Variants in FAM135B observed in about 807,000 individuals in gnomAD.
The protein encoded by FAM135B is family with sequence similarity 135 member B.
A neutral mutation model predicts 127.7 loss-of-function variants in FAM135B; 43 were observed. That is an observed-to-expected ratio of 0.34 (90% CI 0.26 to 0.43). The LOEUF (loss-of-function observed/expected upper bound fraction) is 0.43. Among genes scored for constraint, FAM135B ranks in the 20% least tolerant of loss-of-function variants. The pLI is 1.00. For missense variants in FAM135B, 1,558 were observed against 1,725.6 expected, an observed-to-expected ratio of 0.90 and a Z score of 1.72; for synonymous variants, 670 against 665.1, an observed-to-expected ratio of 1.01 and a Z score of -0.11.
chr8:138,491,533 T>C (rs190810835), intron 1 of FAM135B, among the ~76,000 whole-genome samples: 2 of 152,334 alleles, frequency 1.3e-5, no homozygotes, highest in African/African-American at 2.4e-5. Context: ...CTCAATCGTT[T>C]CCTCATTTTC....
intron 7 of FAM135B, among the ~76,000 whole-genome samples, chr8:138,240,273 T>G (rs567275361): frequency 6.6e-6 from 1 of 152,276 alleles, no homozygotes; most frequent in African/African-American, 2.4e-5. Flanking sequence ...GTCTCCGAGA[T>G]AGAAATTTGG....
At chr8:138,149,809 G>A (rs1817976230) in intron 13 of FAM135B, among the ~76,000 whole-genome samples, 1 of 152,020 alleles carries the variant, frequency 6.6e-6, no homozygotes, top group East Asian at 1.9e-4. Flanking sequence ...ACGCGCACAT[G>A]AAACATCATA....
intron 12 of FAM135B, among the ~76,000 whole-genome samples, chr8:138,163,622 T>C (rs1205326923): frequency 6.6e-6 from 1 of 152,172 alleles, no homozygotes; most frequent in East Asian, 1.9e-4. Flanking sequence ...CTTTGCCTGC[T>C]GCCATGTAAG....
rs917676690 is a variant in FAM135B at position 138,327,381 on chromosome 8, G to A, written c.78-16461C>T. On this transcript the variant is annotated intron_variant, in intron 2 of 19. Coordinates refer to ENST00000395297, the MANE Select transcript of FAM135B (RefSeq NM_015912.4). The stretch of plus-strand genomic sequence containing the variant: ...ACAAAAATTATCTTGCTCATAGACT[G>A]TAGCTTACAAGAAAAACTGGGATGC... Among the ~76,000 whole-genome samples, 7 of 152,266 alleles carry A rather than the reference G, an allele frequency of 4.6e-5. No individual in the cohort carries two copies. In the East Asian group the frequency reaches 1.4e-3, roughly 29 times the overall value.
rs73716797 is a variant in FAM135B, at chr8:138,318,506, C to T, written c.78-7586G>A. 8.5e-3 allele frequency among the ~76,000 whole-genome samples: 1,297 copies of T among 152,250 alleles called. 16 individuals carry two copies. The highest frequency in any genetic ancestry group is 0.029 in the African/African-American group (1,224 of 41,568). Reference sequence around the variant, plus strand: ...AATCTTGGTTGATCCCCCACAAATCCTATGTGAAAGCAAGTAGCAGCTCAA... The same window carrying T: ...AATCTTGGTTGATCCCCCACAAATCTTATGTGAAAGCAAGTAGCAGCTCAA... On this transcript the variant is annotated intron_variant, in intron 2 of 19. Coordinates refer to ENST00000395297, the MANE Select transcript of FAM135B (RefSeq NM_015912.4).
intron 1 of FAM135B, chr8:138,436,996 G>T (rs1356773904): frequency 6.6e-6 from 1 of 152,168 alleles, no homozygotes; most frequent in African/African-American, 2.4e-5. Flanking sequence ...CATAAATAAG[G>T]AGAATAAAGT....
rs745790494 is a variant in FAM135B, at chr8:138,265,717, A to C, written c.283T>G (p.Leu95Val). The change falls in exon 4 of 20, where the codon TTG becomes GTG. Residue 95 changes from leucine (L) to valine (V), a missense_variant. Leu to Val is a conservative substitution (Grantham distance 32, BLOSUM62 1). Transcript: ENST00000395297. Reference sequence around the variant, plus strand: ...TCATGACTTACCCTTTCACCACCCAAGAGTAAATGAACTCGGAAGACCACA... The same window carrying C: ...TCATGACTTACCCTTTCACCACCCACGAGTAAATGAACTCGGAAGACCACA... ...DAVVFRVHLL[L>V]GGERMEDALS... The C allele has an allele frequency of 1.9e-5, 30 of 1,613,980 alleles. No individual in the cohort carries two copies. The highest frequency in any genetic ancestry group is 3.3e-5 in the Admixed American group (2 of 60,002).
At chr8:138,363,986 C>A (rs1221944445) in intron 2 of FAM135B, among the ~76,000 whole-genome samples, 1 of 152,122 alleles carries the variant, frequency 6.6e-6, no homozygotes, top group Non-Finnish European at 1.5e-5. Flanking sequence ...GTAGAGCACA[C>A]ATTTAATCAC....
At chr8:138,351,922 T>G (rs1296419502) in intron 2 of FAM135B, among the ~76,000 whole-genome samples, 1 of 152,086 alleles carries the variant, frequency 6.6e-6, no homozygotes, top group Non-Finnish European at 1.5e-5. Context: ...ACTCCTCACC[T>G]CAGGTGATCT....
chr8:138,446,982 A>C (rs1413451673), intron 1 of FAM135B, among the ~76,000 whole-genome samples: 1 of 152,200 alleles, frequency 6.6e-6, no homozygotes. Flanking sequence ...ACCCCATCAA[A>C]AAGTGGGCGA....
chr8:138,318,847 C>T lies in FAM135B; in HGVS notation c.78-7927G>A, dbSNP rs575188736. ...TCAATTAGGTTGACCCATTCAGGTT[C>T]TGTCCTGATTAAACAGAATGCTAAA... On this transcript the variant is annotated intron_variant, in intron 2 of 19. Transcript: ENST00000395297. 1.8e-4 allele frequency among the ~76,000 whole-genome samples: 28 copies of T among 152,308 alleles called. No homozygotes were observed. The South Asian group carries it at 5.6e-3, about 30-fold the overall frequency.
intron 1 of FAM135B, among the ~76,000 whole-genome samples, chr8:138,484,374 A>T (rs1814906069): frequency 1.3e-5 from 2 of 152,100 alleles, no homozygotes; most frequent in Admixed American, 1.3e-4. Flanking sequence ...TACTTTCATG[A>T]TTTATAGCTG....
chr8:138,232,441 C>G (rs1287147510), intron 7 of FAM135B, among the ~76,000 whole-genome samples: 1 of 152,106 alleles, frequency 6.6e-6, no homozygotes, highest in African/African-American at 2.4e-5. Context: ...ATTAAAGAAC[C>G]ATTTTTATTG....
chr8:138,169,605 T>C (rs1820249232), intron 11 of FAM135B, among the ~76,000 whole-genome samples: 1 of 152,214 alleles, frequency 6.6e-6, no homozygotes. Flanking sequence ...TCTGAGTGTT[T>C]AAATGGAGTT....
intron 9 of FAM135B, 130 bp from the exon 10 acceptor site, chr8:138,178,820 A>C: frequency 1.4e-6 from 1 of 699,226 alleles, no homozygotes; most frequent in Non-Finnish European, 2.4e-6. Context: ...CATCTGTAGT[A>C]TTATATATTA....
chr8:138,276,238 C>T (rs969160259), intron 3 of FAM135B, among the ~76,000 whole-genome samples: 1 of 152,178 alleles, frequency 6.6e-6, no homozygotes, highest in African/African-American at 2.4e-5. Flanking sequence ...TTTCCTGAAC[C>T]ATCTGCCTCC....
chr8:138,177,526 G>A, intron 10 of FAM135B, 106 bp from the exon 11 acceptor site: 1 of 1,007,858 alleles, frequency 9.9e-7, no homozygotes, highest in South Asian at 1.7e-5. Flanking sequence ...TTTCCTAATA[G>A]GAAGAGAGCC....
At chr8:138,413,769 C>A (rs1833992455) in intron 1 of FAM135B, among the ~76,000 whole-genome samples, 1 of 151,986 alleles carries the variant, frequency 6.6e-6, no homozygotes. Flanking sequence ...CATATTCAGC[C>A]TGCACCCAGT....
chr8:138,142,062 C>T (rs1384926492), intron 16 of FAM135B, among the ~76,000 whole-genome samples: 1 of 151,980 alleles, frequency 6.6e-6, no homozygotes, highest in African/African-American at 2.4e-5. Flanking sequence ...AAAAATCTAA[C>T]CTCTATAGGC....
Sources: gnomAD v4.1 joint callset for allele counts (sites outside exome capture counted in the v4.1 genomes callset) on GRCh38, gnomAD v4.1.1 for gene constraint, MANE v1.5 for transcripts, NCBI Gene and HGNC (gene_info 2026-07-23, HGNC 2026-07-21) for gene names.